The following QDPR variants were observed in gnomAD, a reference collection of about 807,000 sequenced individuals.
QDPR encodes quinoid dihydropteridine reductase, also known as dihydropteridine reductase.
In QDPR, 23 loss-of-function variants were observed where a neutral mutation model predicts 31.7. The ratio of observed to expected loss-of-function variants is 0.73; its 90% CI spans 0.52 to 1.03. The LOEUF (loss-of-function observed/expected upper bound fraction) is 1.03. Among genes scored for constraint, QDPR ranks in the 50% least tolerant of loss-of-function variants. QDPR has a pLI of 0.00. For missense variants in QDPR, 324 were observed against 323.8 expected (o/e 1.00, Z 0.00); for synonymous variants, 124 against 124.7 (o/e 0.99, Z 0.03).
Position 17,505,654 on chromosome 4 carries a change from C to A in QDPR, c.199-1179G>T, listed in dbSNP as rs866456447. On this transcript the variant is annotated intron_variant, in intron 2 of 6. Coordinates refer to ENST00000281243, the MANE Select transcript of QDPR (RefSeq NM_000320.3). ...ATCACTTGAGCCCAGGAGTTCAAGACCAGCCCGGGCAACATAACAAGACCT... is the reference window on the plus strand; with the variant it reads ...ATCACTTGAGCCCAGGAGTTCAAGAACAGCCCGGGCAACATAACAAGACCT... Among the ~76,000 whole-genome samples, 7 of 152,260 alleles carry A rather than the reference C, an allele frequency of 4.6e-5. No homozygotes were observed. In the Middle Eastern group the frequency reaches 0.01, roughly 222 times the overall value.
At position 17,507,741 on chromosome 4, in the gene QDPR, C is replaced by A. The variant is rs1256235433; in HGVS notation, c.198+1530G>T. Among the ~76,000 whole-genome samples, 3 of 151,980 alleles carry A rather than the reference C, an allele frequency of 2.0e-5. No homozygotes were observed. The South Asian group carries it at 6.2e-4, about 32-fold the overall frequency. On this transcript the variant is annotated intron_variant, in intron 2 of 6. Coordinates refer to ENST00000281243, the MANE Select transcript of QDPR (RefSeq NM_000320.3). ...GCCTCAGCCTCCCGAGTAGCTGGGA[C>A]TACAGGCGTGCACCACCACGCTCAG...
At chr4:17,500,603 A>T (rs1718526004) in intron 4 of QDPR, among the ~76,000 whole-genome samples, 1 of 152,218 alleles carries the variant, frequency 6.6e-6, no homozygotes, top group Non-Finnish European at 1.5e-5. Flanking sequence ...GCAGCCATCT[A>T]TAAAAAAAGA....
intron 6 of QDPR, among the ~76,000 whole-genome samples, chr4:17,489,134 G>A (rs548354243): frequency 2.0e-5 from 3 of 152,346 alleles, no homozygotes; most frequent in South Asian, 2.1e-4. Context: ...CATCTGCAGC[G>A]TGGATAGGTG....
At chr4:17,502,204 T>C (rs988705909) in intron 3 of QDPR, among the ~76,000 whole-genome samples, 2 of 152,250 alleles carry the variant, frequency 1.3e-5, no homozygotes, top group Non-Finnish European at 2.9e-5. Context: ...AGAACCTATA[T>C]GTCTACGTCA....
intron 3 of QDPR, among the ~76,000 whole-genome samples, chr4:17,502,933 T>A (rs1032478810): frequency 6.6e-6 from 1 of 152,186 alleles, no homozygotes; most frequent in African/African-American, 2.4e-5. Flanking sequence ...GCAGTTGCCA[T>A]CTCAACCAAG....
chr4:17,504,233 C>A, intron 3 of QDPR, 146 bp downstream of exon 3: 1 of 723,086 alleles, frequency 1.4e-6, no homozygotes, highest in Non-Finnish European at 2.5e-6. Flanking sequence ...GGATTAAGAG[C>A]ATTAATCACT....
chr4:17,509,016 G>A (rs1339184238), intron 2 of QDPR, among the ~76,000 whole-genome samples: 1 of 152,100 alleles, frequency 6.6e-6, no homozygotes, highest in Non-Finnish European at 1.5e-5. Context: ...AAATTAGCTG[G>A]GGGTGGTGGC....
chr4:17,496,843 G>T (rs1248870568), intron 4 of QDPR, among the ~76,000 whole-genome samples: 1 of 151,930 alleles, frequency 6.6e-6, no homozygotes, highest in Admixed American at 6.6e-5. Flanking sequence ...TGCAACCACC[G>T]CCTCCCAGGT....
At position 17,504,560 on chromosome 4, in the gene QDPR, CTCT is replaced by C. The variant is rs1286693636; in HGVS notation, c.199-88_199-86del. 2.6e-6 allele frequency: 3 copies of C among 1,148,000 alleles called. No individual in the cohort carries two copies. In the South Asian group the frequency reaches 3.8e-5, roughly 14 times the overall value. The allele number at this position is 1,148,000 out of a possible 1,614,324, so 71.1% of individuals were successfully genotyped here. On this transcript the variant is annotated intron_variant, in intron 2 of 6. Transcript: ENST00000281243. The stretch of plus-strand genomic sequence containing the variant: ...CTTTACGGATACTCAGTTTCTTTTT[CTCT>C]TCTTTTTAAGCCAGTTTACAGTACC...
chr4:17,508,955 A>G (rs563597123), intron 2 of QDPR, among the ~76,000 whole-genome samples: 108 of 152,210 alleles, frequency 7.1e-4, no homozygotes, highest in African/African-American at 2.3e-3. Flanking sequence ...TCAGGAGTTC[A>G]AGATCAGCCT....
intron 4 of QDPR, 71 bp downstream of exon 4, chr4:17,501,648 T>C: frequency 1.3e-6 from 2 of 1,580,348 alleles, no homozygotes; most frequent in African/African-American, 1.3e-5. Context: ...CCTCATCCCA[T>C]GAAAGTGCCC....
At chr4:17,492,579 A>G in intron 4 of QDPR, 1 of 567,240 alleles carries the variant, frequency 1.8e-6, no homozygotes, top group Non-Finnish European at 3.2e-6. Context: ...TTCCAAGAAC[A>G]CACAGGCTTC....
At chr4:17,502,387 A>G (rs955852560) in intron 3 of QDPR, among the ~76,000 whole-genome samples, 8 of 152,232 alleles carry the variant, frequency 5.3e-5, no homozygotes, top group Non-Finnish European at 8.8e-5. Context: ...GCCTTGCCAG[A>G]GACATAAGGA....
At position 17,504,271 on chromosome 4, in the gene QDPR, G is replaced by A. The variant is rs565257254; in HGVS notation, c.295+108C>T. On this transcript the variant is annotated intron_variant, in intron 3 of 6. Coordinates refer to ENST00000281243, the MANE Select transcript of QDPR (RefSeq NM_000320.3). ...CTCCCCGAGCAACTGTAAAGATTCC[G>A]GGATATACACAAAAAAACAGCTGGC... The A allele has an allele frequency of 1.8e-4, 156 of 881,266 alleles. No homozygotes were observed. In the East Asian group the frequency reaches 3.0e-3, roughly 17 times the overall value. 54.6% of individuals were successfully genotyped at this position (881,266 alleles called of 1,614,324 possible). A position where few individuals can be genotyped will look rare whatever the true frequency, so the allele number is the denominator to read the frequency against.
chr4:17,504,574 C>T (rs755988762), intron 2 of QDPR, 99 bp from the exon 3 acceptor site: 5 of 999,456 alleles, frequency 5.0e-6, no homozygotes, highest in Admixed American at 3.7e-5. Context: ...TCTTTTTAAG[C>T]CAGTTTACAG....
Position 17,490,681 on chromosome 4 carries a change from G to GT in QDPR, c.609dup (p.Pro204ThrfsTer7), listed in dbSNP as rs769289876. 5 of 1,613,868 alleles carry GT rather than the reference G, an allele frequency of 3.1e-6. No homozygotes were observed. Among genetic ancestry groups the GT allele is most frequent in the Non-Finnish European group, 3.4e-6 (4 of 1,179,776 alleles). On this transcript the variant is annotated frameshift_variant, in exon 6 of 7. Transcript: ENST00000281243. LOFTEE classifies it high-confidence loss of function. Reference sequence around the variant, plus strand: ...ACTCACTCAACTAGGAATTCTAAGGGTGTCCAGGAGCTGAAGTCAGCCTCA... The same window carrying GT: ...ACTCACTCAACTAGGAATTCTAAGGGTTGTCCAGGAGCTGAAGTCAGCCTCA...
At chr4:17,494,372 T>G (rs1416783395) in intron 4 of QDPR, among the ~76,000 whole-genome samples, 1 of 152,014 alleles carries the variant, frequency 6.6e-6, no homozygotes, top group African/African-American at 2.4e-5. Context: ...CAAGTGGACT[T>G]TCCTCATTAC....
rs775626947 is a variant in QDPR at position 17,501,879 on chromosome 4, G to A, written c.296-20C>T. ...AGAGAGCTGAGTGAAAAAAACATGT[G>A]GGCTCAGCATTCCCAGGAAAGAAAC... On this transcript the variant is annotated intron_variant, in intron 3 of 6. Transcript: ENST00000281243. 2 of 1,613,866 alleles carry A rather than the reference G, an allele frequency of 1.2e-6. No individual in the cohort carries two copies. The highest frequency in any genetic ancestry group is 1.7e-5 in the Admixed American group (1 of 59,990).
intron 4 of QDPR, among the ~76,000 whole-genome samples, chr4:17,494,297 TC>T (rs1718273925): frequency 6.6e-6 from 1 of 152,182 alleles, no homozygotes; most frequent in South Asian, 2.1e-4. Flanking sequence ...GCCTGGTTTT[TC>T]CCACAACTTG....
Sources: allele counts gnomAD v4.1 joint callset (sites outside exome capture counted in the v4.1 genomes callset), GRCh38; gene constraint gnomAD v4.1.1; transcripts MANE v1.5; gene names NCBI Gene and HGNC (gene_info 2026-07-23, HGNC 2026-07-21).